The following AUP1 variants were observed in gnomAD, a reference collection of about 807,000 sequenced individuals.
AUP1 encodes lipid droplet-regulating VLDL assembly factor AUP1.
Under a neutral mutation model 51.8 loss-of-function variants are expected in AUP1, and 30 were observed. The observed-to-expected ratio is 0.58, with a 90% CI of 0.43 to 0.79. The LOEUF is 0.79. Ranked by LOEUF, AUP1 falls within the 30% of genes least tolerant of loss-of-function variation. The pLI, the probability that AUP1 is intolerant of heterozygous loss-of-function variation, is 0.00. For missense variants in AUP1, 492 were observed against 517.1 expected, an observed-to-expected ratio of 0.95 and a Z score of 0.47; for synonymous variants, 227 against 209.0, an observed-to-expected ratio of 1.09 and a Z score of -0.74.
In AUP1 at chr2:74,529,601, T is replaced by TCCGGCC. The variant is rs1675419457; in HGVS notation, c.23_28dup (p.Gly8_Pro9dup). ...TTACCGGTGCGAGTCAAAGAGCCGC[T>TCCGGCC]CCGGCCCCGGCCCTGAGGGAAGCTC... On this transcript the variant is annotated inframe_insertion, in exon 1 of 12. Coordinates refer to ENST00000377526, the MANE Select transcript of AUP1 (RefSeq NM_181575.5). 6.4e-7 allele frequency: 1 copy of TCCGGCC among 1,568,484 alleles called. No individual in the cohort carries two copies. Among genetic ancestry groups the TCCGGCC allele is most frequent in the African/African-American group, 1.4e-5 (1 of 74,026 alleles).
rs1675378092 is a variant in AUP1 at position 74,529,215 on chromosome 2, CCCGGAGT to C, written c.249_255del (p.Leu84IlefsTer12). The C allele has an allele frequency of 3.1e-6, 5 of 1,614,234 alleles. No homozygotes were observed. The highest frequency in any genetic ancestry group is 4.2e-6 in the Non-Finnish European group (5 of 1,180,040). On this transcript the variant is annotated frameshift_variant, in exon 3 of 12. Transcript: ENST00000377526. LOFTEE classifies it high-confidence loss of function. ...GAAATGAGGACCCTGACACTGTGAT[CCCGGAGT>C]CCGGAGTCCTCCTGCCGGGCCACGA...
chr2:74,529,351 C>G lies in AUP1; in HGVS notation c.188+11G>C. 1 of 1,612,500 alleles carries G rather than the reference C, an allele frequency of 6.2e-7. No individual in the cohort carries two copies. Among genetic ancestry groups the G allele is most frequent in the Non-Finnish European group, 8.5e-7 (1 of 1,179,320 alleles). On this transcript the variant is annotated intron_variant, in intron 2 of 11. Coordinates refer to ENST00000377526, the MANE Select transcript of AUP1 (RefSeq NM_181575.5). ...CCAGCTCTGACACTCCCCGAACGCC[C>G]GCGTCGGAACCTGCGAAGGACGCTG...
chr2:74,527,691 GA>G lies in AUP1; in HGVS notation c.841+44del, dbSNP rs551995892. The G allele has an allele frequency of 2.9e-3, 3,402 of 1,172,002 alleles. 11 individuals carry two copies. In the Middle Eastern group the frequency reaches 0.04, roughly 14 times the overall value. 72.6% of individuals were successfully genotyped at this position (1,172,002 alleles called of 1,614,324 possible). A position where few individuals can be genotyped will look rare whatever the true frequency, so the allele number is the denominator to read the frequency against. On this transcript the variant is annotated intron_variant, in intron 8 of 11. Coordinates refer to ENST00000377526, the MANE Select transcript of AUP1 (RefSeq NM_181575.5). ...AATAGGGGAGGAATCACAGTAGGCC[GA>G]AAAAAAAAAACCCCAAAAGCTGTAA...
rs1324437096 is a variant in AUP1, at chr2:74,529,636, T to A, written c.-7A>T. 2.6e-6 allele frequency: 4 copies of A among 1,561,712 alleles called. No homozygotes were observed. In the African/African-American group the frequency reaches 5.4e-5, roughly 21 times the overall value. On this transcript the variant is annotated 5_prime_UTR_variant, in exon 1 of 12. Transcript: ENST00000377526. ...GCCCTGAGGGAAGCTCCATAACTGC[T>A]GCTTCAGGAGCGCCCGGCCGTCGCC...
Position 74,528,925 on chromosome 2 carries a change from T to C in AUP1, c.350A>G (p.Asn117Ser). ...CCAGCACACAAAGCTGGGGGGACTA[T>C]TGAGTAGAGGCTGGGAACCAGGAGA... ...LLTTCSTPLL[N>S]SPPSFVCWSR... Residue 117 changes from asparagine to serine, a missense_variant, in exon 4 of 12, where the codon AAT (asparagine) becomes AGT (serine). Coordinates refer to ENST00000377526, the MANE Select transcript of AUP1 (RefSeq NM_181575.5). 1.2e-6 allele frequency: 2 copies of C among 1,613,564 alleles called. No individual in the cohort carries two copies. The highest frequency in any genetic ancestry group is 1.1e-5 in the South Asian group (1 of 91,032).
Position 74,527,720 on chromosome 2 carries a change from T to A in AUP1, c.841+16A>T. The A allele has an allele frequency of 6.2e-7, 1 of 1,612,516 alleles. No individual in the cohort carries two copies. The highest frequency in any genetic ancestry group is 8.5e-7 in the Non-Finnish European group (1 of 1,179,256). ...AAAAAAAACCCCAAAAGCTGTAATG[T>A]ATAGAGACCACATACCTGACTGGGG... On this transcript the variant is annotated intron_variant, in intron 8 of 11. Coordinates refer to ENST00000377526, the MANE Select transcript of AUP1 (RefSeq NM_181575.5).
Position 74,527,042 on chromosome 2 carries a change from C to G in AUP1, c.1095G>C (p.Pro365=). The change falls in exon 11 of 12, where the codon CCG becomes CCC. Residue 365 remains proline, a synonymous_variant. Transcript: ENST00000377526. ...ASASKFPSSG[P]VTPQPTALTF... ...TTAGGGCTGTTGGCTGAGGGGTCAC[C>G]GGGCCAGAGCTGGGAAACTGAGGTG... 2.5e-6 allele frequency: 4 copies of G among 1,614,150 alleles called. No individual in the cohort carries two copies. The highest frequency in any genetic ancestry group is 1.6e-4 in the Middle Eastern group (1 of 6,062).
chr2:74,527,199 GCCC>G (rs1044043336), intron 10 of AUP1, 46 bp downstream of exon 10: 5 of 1,601,240 alleles, frequency 3.1e-6, no homozygotes, highest in Non-Finnish European at 4.3e-6. Flanking sequence ...TACATAGCCT[GCCC>G]CCAACTCACC....
In AUP1 at chr2:74,529,107, C is replaced by T. The variant is rs568571027; in HGVS notation, c.339+25G>A. On this transcript the variant is annotated intron_variant, in intron 3 of 11. Transcript: ENST00000377526. ...TGGGCCCCAGGGAACCGCCCCGTGGCGCTCTCGGCCTCGCTCTCACTCACG... is the reference window on the plus strand; with the variant it reads ...TGGGCCCCAGGGAACCGCCCCGTGGTGCTCTCGGCCTCGCTCTCACTCACG... 598 of 1,614,144 alleles carry T rather than the reference C, an allele frequency of 3.7e-4. 1 individual carries two copies. In the South Asian group the frequency reaches 6.1e-3, roughly 16 times the overall value.
chr2:74,526,733 T>G lies in AUP1; in HGVS notation c.*67A>C, dbSNP rs1675204049. 135 of 1,480,518 alleles carry G rather than the reference T, an allele frequency of 9.1e-5. No individual in the cohort carries two copies. The highest frequency in any genetic ancestry group is 2.1e-4 in the Middle Eastern group (1 of 4,744). The allele number at this position is 1,480,518 out of a possible 1,614,324, so 91.7% of individuals were successfully genotyped here. ...TACCACCCACCCATCCAGCCTGTTG[T>G]GAGTTGGGTGAGGGCTGCCCCCAGT... On this transcript the variant is annotated 3_prime_UTR_variant, in exon 12 of 12. Transcript: ENST00000377526.
Position 74,528,427 on chromosome 2 carries a change from AG to A in AUP1, c.586del (p.Leu196TrpfsTer4). The A allele has an allele frequency of 6.2e-7, 1 of 1,613,124 alleles. No individual in the cohort carries two copies. The highest frequency in any genetic ancestry group is 8.5e-7 in the Non-Finnish European group (1 of 1,179,116). On this transcript the variant is annotated frameshift_variant, in exon 5 of 12. Transcript: ENST00000377526. LOFTEE classifies it high-confidence loss of function. ...QPLTLQVQRPLVSVTVSDASW... is the reference protein window; with the variant it reads ...QPLTLQVQRPXVSVTVSDASW... ...TCAACACACACTCACCACAGAGACC[AG>A]GGGTCTCTGAACTTGCAGGGTAAGA...
intron 4 of AUP1, 51 bp from the exon 5 acceptor site, chr2:74,528,540 A>G: frequency 6.6e-7 from 1 of 1,512,980 alleles, no homozygotes; most frequent in South Asian, 1.1e-5. Flanking sequence ...CCTAGTCAGC[A>G]GCTCACACCT....
In AUP1 at chr2:74,528,912, G is replaced by C; in HGVS notation, c.363C>G (p.Ser121Arg). 1 of 1,614,148 alleles carries C rather than the reference G, an allele frequency of 6.2e-7. No individual in the cohort carries two copies. ...CSTPLLNSPPSFVCWSRGFME... is the reference protein window; with the variant it reads ...CSTPLLNSPPRFVCWSRGFME... ...TGAAGCCCCGAGACCAGCACACAAA[G>C]CTGGGGGGACTATTGAGTAGAGGCT... is the stretch of plus-strand genomic sequence containing the variant. The change falls in exon 4 of 12, where the codon AGC (serine) becomes AGG (arginine). Residue 121 changes from serine to arginine, a missense_variant. Transcript: ENST00000377526.
intron 6 of AUP1, 67 bp downstream of exon 6, chr2:74,528,181 G>A: frequency 6.5e-7 from 1 of 1,527,464 alleles, no homozygotes; most frequent in South Asian, 1.1e-5. Flanking sequence ...ACAGGGCAGA[G>A]GCCACTAATT....
intron 10 of AUP1, 93 bp from the exon 11 acceptor site, chr2:74,527,152 T>C: frequency 6.2e-7 from 1 of 1,605,652 alleles, no homozygotes; most frequent in African/African-American, 1.3e-5. Flanking sequence ...TATGCTAGGG[T>C]CTCAGGATCA....
At position 74,527,702 on chromosome 2, in the gene AUP1, A is replaced by C. The variant is rs202071943; in HGVS notation, c.841+34T>G. ...AATCACAGTAGGCCGAAAAAAAAAA[A>C]CCCCAAAAGCTGTAATGTATAGAGA... On this transcript the variant is annotated intron_variant, in intron 8 of 11. Transcript: ENST00000377526. The C allele has an allele frequency of 1.5e-4, 235 of 1,589,386 alleles. No individual in the cohort carries two copies. In the African/African-American group the frequency reaches 1.8e-3, roughly 12 times the overall value.
chr2:74,527,758 G>C lies in AUP1; in HGVS notation c.819C>G (p.His273Gln), dbSNP rs781109972. 5.6e-6 allele frequency: 9 copies of C among 1,614,046 alleles called. No homozygotes were observed. Among genetic ancestry groups the C allele is most frequent in the Non-Finnish European group, 7.6e-6 (9 of 1,180,006 alleles). ...DKAEHMKRQR[H>Q]PRLRPQSAQS... ...TACCTGACTGGGGGCGCAATCTGGG[G>C]TGTCTTTGTCGCTTCATGTGCTCTG... Residue 273 changes from histidine (H) to glutamine (Q), a missense_variant, in exon 8 of 12, where the codon CAC becomes CAG. His to Gln is a conservative substitution (Grantham distance 24). Transcript: ENST00000377526.
rs1558608570 is a variant in AUP1 at position 74,529,505 on chromosome 2, G to A, written c.51-6C>T. 2 of 1,549,932 alleles carry A rather than the reference G, an allele frequency of 1.3e-6. No individual in the cohort carries two copies. Among genetic ancestry groups the A allele is most frequent in the Admixed American group, 1.9e-5 (1 of 51,320 alleles). ...GGAAGCAGTCACCCGGAAGCCTGGGGGCGAGAGGCGAAGTGGTCAGGCGCC... is the reference window on the plus strand; with the variant it reads ...GGAAGCAGTCACCCGGAAGCCTGGGAGCGAGAGGCGAAGTGGTCAGGCGCC... On this transcript the variant is annotated splice_region_variant and splice_polypyrimidine_tract_variant and intron_variant, in intron 1 of 11. Transcript: ENST00000377526.
chr2:74,526,784 T>C lies in AUP1; in HGVS notation c.*16A>G, dbSNP rs761255672. 2.0e-6 allele frequency: 3 copies of C among 1,532,754 alleles called. No individual in the cohort carries two copies. The South Asian group carries it at 3.9e-5, about 20-fold the overall frequency. 94.9% of individuals were successfully genotyped at this position (1,532,754 alleles called of 1,614,324 possible). ...CTCCGTCCTGCGGCTCTGGGTGCCATCCTGTTCCTTTGAGCTCAGTCAGCC... is the reference window on the plus strand; with the variant it reads ...CTCCGTCCTGCGGCTCTGGGTGCCACCCTGTTCCTTTGAGCTCAGTCAGCC... On this transcript the variant is annotated 3_prime_UTR_variant, in exon 12 of 12. Coordinates refer to ENST00000377526, the MANE Select transcript of AUP1 (RefSeq NM_181575.5).
Sources: allele counts gnomAD v4.1 joint callset, GRCh38; gene constraint gnomAD v4.1.1; transcripts MANE v1.5; gene names NCBI Gene and HGNC (gene_info 2026-07-23, HGNC 2026-07-21).